Variants in UPP2 observed in about 807,000 individuals in gnomAD.
UPP2 encodes UPase 2.
A neutral mutation model predicts 26.7 loss-of-function variants in UPP2; 23 were observed. That is an observed-to-expected ratio of 0.86 (90% CI 0.62 to 1.22). The LOEUF (loss-of-function observed/expected upper bound fraction) is 1.22. Among genes scored for constraint, UPP2 ranks in the 50% most tolerant of loss-of-function variants. The probability of loss-of-function intolerance (pLI) is 0.00; values close to 1 mark genes in which losing one functional copy is unlikely to be tolerated. For synonymous variants in UPP2, 127 were observed against 141.3 expected (o/e 0.90, Z 0.72); for missense variants, 387 against 396.7 (o/e 0.98, Z 0.21).
intron 2 of UPP2, among the ~76,000 whole-genome samples, chr2:157,997,113 T>C (rs1015829709): frequency 1.3e-5 from 2 of 152,346 alleles, no homozygotes; most frequent in African/African-American, 2.4e-5. Flanking sequence ...CTGAGGGTAA[T>C]TCATTTGCCT....
At chr2:158,116,473 A>T (rs562342078) in intron 3 of UPP2, among the ~76,000 whole-genome samples, 1 of 152,328 alleles carries the variant, frequency 6.6e-6, no homozygotes, top group Admixed American at 6.5e-5. Flanking sequence ...TGGGAAAAAG[A>T]CCTGAAATAT....
At chr2:158,027,055 G>C (rs1176407059) in intron 3 of UPP2, among the ~76,000 whole-genome samples, 1 of 152,154 alleles carries the variant, frequency 6.6e-6, no homozygotes, top group African/African-American at 2.4e-5. Context: ...TTCAAGATGA[G>C]ATTTGGGTGG....
intron 6 of UPP2, among the ~76,000 whole-genome samples, chr2:158,131,775 A>G (rs1376923861): frequency 6.6e-6 from 1 of 152,204 alleles, no homozygotes; most frequent in East Asian, 1.9e-4. Context: ...TAATTTCAGC[A>G]AATTGTTTTG....
At chr2:158,109,334 C>G (rs879043004) in intron 2 of UPP2, among the ~76,000 whole-genome samples, 1 of 152,080 alleles carries the variant, frequency 6.6e-6, no homozygotes, top group African/African-American at 2.4e-5. Context: ...AAAATTTTTG[C>G]TACTTGCTAC....
At position 158,101,987 on chromosome 2, in the gene UPP2, T is replaced by C. The variant is rs577359087; in HGVS notation, c.-77T>C. On this transcript the variant is annotated 5_prime_UTR_variant, in exon 1 of 7. Transcript: ENST00000005756. Reference sequence around the variant, plus strand: ...TGGGAACTGAACTATTATGACTAGGTCTATAATTTAATAACAAGTCACAAT... The same window carrying C: ...TGGGAACTGAACTATTATGACTAGGCCTATAATTTAATAACAAGTCACAAT... 1.2e-4 allele frequency: 199 copies of C among 1,599,242 alleles called. No individual in the cohort carries two copies. The African/African-American group carries it at 2.3e-3, about 19-fold the overall frequency.
rs1310698507 is a variant in UPP2 at position 158,121,619 on chromosome 2, G to A, written c.664+1G>A. On this transcript the variant is annotated splice_donor_variant, in intron 5 of 6. Coordinates refer to ENST00000005756, the MANE Select transcript of UPP2 (RefSeq NM_173355.4). LOFTEE classifies it high-confidence loss of function. ...ATGTGTACCTATGATTTTTATGAAG[G>A]TGAGAACAATTTATAAACTGTGAAG... 1 of 1,610,714 alleles carries A rather than the reference G, an allele frequency of 6.2e-7. No individual in the cohort carries two copies. Among genetic ancestry groups the A allele is most frequent in the Non-Finnish European group, 8.5e-7 (1 of 1,177,006 alleles).
chr2:158,058,069 G>A (rs190225872), intron 3 of UPP2, among the ~76,000 whole-genome samples: 8 of 152,140 alleles, frequency 5.3e-5, no homozygotes, highest in African/African-American at 7.2e-5. Flanking sequence ...CAAGGCGGGC[G>A]GATCACGAGG....
At chr2:158,104,219 G>C (rs796869762) in intron 1 of UPP2, among the ~76,000 whole-genome samples, 2 of 152,190 alleles carry the variant, frequency 1.3e-5, no homozygotes, top group Non-Finnish European at 2.9e-5. Context: ...TGAAACAAAT[G>C]CTTTGGGAAC....
intron 1 of UPP2, among the ~76,000 whole-genome samples, chr2:158,102,461 G>C (rs1301556497): frequency 6.6e-6 from 1 of 152,158 alleles, no homozygotes; most frequent in Non-Finnish European, 1.5e-5. Flanking sequence ...TTAATTCTAA[G>C]ACCATGGGCT....
intron 3 of UPP2, among the ~76,000 whole-genome samples, chr2:158,094,281 G>A (rs920119903): frequency 6.6e-6 from 1 of 151,940 alleles, no homozygotes; most frequent in African/African-American, 2.4e-5. Flanking sequence ...TGTAACAATT[G>A]TTAAATTTGG....
intron 2 of UPP2, among the ~76,000 whole-genome samples, chr2:158,000,654 C>T (rs1264252828): frequency 6.6e-6 from 1 of 152,246 alleles, no homozygotes; most frequent in Non-Finnish European, 1.5e-5. Context: ...GTCCAAGTAT[C>T]AAATCTCGGA....
chr2:158,055,794 C>T lies in UPP2; in HGVS notation c.147+39908C>T, dbSNP rs150442813. Among the ~76,000 whole-genome samples the T allele has an allele frequency of 5.5e-5, 8 of 146,272 alleles. No homozygotes were observed. In the East Asian group the frequency reaches 5.8e-4, roughly 11 times the overall value. On this transcript the variant is annotated intron_variant, in intron 3 of 9. Transcript: ENST00000605860. ...TCTAAGCTAAGCATTCTGCTCATGG[C>T]GGAGATTGTGTTGTCCTCACAGCCA...
At chr2:158,108,062 A>G (rs148850563) in intron 2 of UPP2, among the ~76,000 whole-genome samples, 8 of 152,310 alleles carry the variant, frequency 5.3e-5, no homozygotes, top group Admixed American at 2.6e-4. Context: ...TAATTGAAAG[A>G]CTTTTCACAA....
intron 3 of UPP2, among the ~76,000 whole-genome samples, chr2:158,058,452 C>A (rs1383000894): frequency 3.1e-5 from 1 of 31,986 alleles, no homozygotes; most frequent in East Asian, 7.6e-4. Context: ...TGTGTGTGTA[C>A]GCGCATGCAC....
At position 158,089,935 on chromosome 2, in the gene UPP2, G is replaced by A. The variant is rs377045601; in HGVS notation, c.148-12105G>A. ...CTTGGCTGTTTCTGCAGTAGTTCTTGAAGCAAAAGTTCATGATGTTAGTCT... is the reference window on the plus strand; with the variant it reads ...CTTGGCTGTTTCTGCAGTAGTTCTTAAAGCAAAAGTTCATGATGTTAGTCT... On this transcript the variant is annotated intron_variant, in intron 3 of 9. Coordinates refer to the UPP2 transcript ENST00000605860. Among the ~76,000 whole-genome samples, 123 of 152,218 alleles carry A rather than the reference G, an allele frequency of 8.1e-4. 3 individuals are homozygous for A. The South Asian group carries it at 0.024, about 30-fold the overall frequency.
chr2:158,065,589 G>T, intron 3 of UPP2: 1 of 558,090 alleles, frequency 1.8e-6, no homozygotes, highest in South Asian at 1.5e-5. Context: ...TCACATACAA[G>T]AACATGAGGA....
intron 3 of UPP2, among the ~76,000 whole-genome samples, chr2:158,069,709 C>T (rs529524290): frequency 1.3e-5 from 2 of 152,312 alleles, no homozygotes; most frequent in South Asian, 4.1e-4. Context: ...CCTCAGTGAT[C>T]TCTCAGTCAC....
At chr2:158,090,931 T>G (rs144171773) in intron 3 of UPP2, among the ~76,000 whole-genome samples, 203 of 152,218 alleles carry the variant, frequency 1.3e-3, no homozygotes, top group African/African-American at 4.6e-3. Flanking sequence ...AACTTCTACA[T>G]TAAGCCAAAA....
chr2:158,030,948 T>C (rs1227053345), intron 3 of UPP2, among the ~76,000 whole-genome samples: 3 of 152,202 alleles, frequency 2.0e-5, no homozygotes, highest in South Asian at 2.1e-4. Context: ...ATCTGTACTC[T>C]TGTACTAATC....
Sources: gnomAD v4.1 joint callset for allele counts (sites outside exome capture counted in the v4.1 genomes callset) on GRCh38, gnomAD v4.1.1 for gene constraint, MANE v1.5 for transcripts, NCBI Gene and HGNC (gene_info 2026-07-23, HGNC 2026-07-21) for gene names.